Variants in ANKRD27 observed in about 807,000 individuals in gnomAD.
The protein encoded by ANKRD27 is ankyrin repeat domain 27, also known as ankyrin repeat domain-containing protein 27.
A neutral mutation model predicts 129.7 loss-of-function variants in ANKRD27; 112 were observed. The ratio of observed to expected loss-of-function variants is 0.86; its 90% CI spans 0.74 to 1.01. ANKRD27 has a LOEUF of 1.01. Ranked by LOEUF, ANKRD27 falls within the 50% of genes least tolerant of loss-of-function variation. The probability of loss-of-function intolerance (pLI) is 0.00; values close to 1 mark genes in which losing one functional copy is unlikely to be tolerated. For synonymous variants in ANKRD27, 516 were observed against 511.2 expected (o/e 1.01, Z -0.13); for missense variants, 1,258 against 1,300.5 (o/e 0.97, Z 0.50).
chr19:32,613,706 CT>C (rs58394462), intron 22 of ANKRD27, among the ~76,000 whole-genome samples: 2,002 of 132,888 alleles, frequency 0.015, 45 homozygotes, highest in African/African-American at 0.048. Flanking sequence ...ATTTATGTAA[CT>C]TTTTTTTTTT....
chr19:32,627,418 A>T (rs1201997030), intron 15 of ANKRD27, among the ~76,000 whole-genome samples: 4 of 135,866 alleles, frequency 2.9e-5, no homozygotes, highest in Non-Finnish European at 1.6e-5. Flanking sequence ...TTATTTTTTG[A>T]GACAGAGTCT....
intron 2 of ANKRD27, 118 bp downstream of exon 2, chr19:32,658,796 A>G (rs1440416699): frequency 1.1e-6 from 1 of 886,964 alleles, no homozygotes; most frequent in Non-Finnish European, 1.8e-6. Context: ...GACCAAGCAC[A>G]CTGCTGGGAG....
At chr19:32,663,326 G>A (rs1967682588) in intron 1 of ANKRD27, among the ~76,000 whole-genome samples, 1 of 152,180 alleles carries the variant, frequency 6.6e-6, no homozygotes, top group South Asian at 2.1e-4. Context: ...ACACAACGTA[G>A]GAAGTAATAA....
At chr19:32,606,153 T>C (rs912227130) in intron 23 of ANKRD27, among the ~76,000 whole-genome samples, 199 bp from the exon 24 acceptor site, 2 of 14,432 alleles carry the variant, frequency 1.4e-4, no homozygotes, top group Non-Finnish European at 3.2e-4. Flanking sequence ...TTTTCTTTCT[T>C]TTTTTTTTTT....
intron 3 of ANKRD27, among the ~76,000 whole-genome samples, chr19:32,649,369 C>A (rs990909708): frequency 3.9e-5 from 6 of 152,210 alleles, no homozygotes; most frequent in Non-Finnish European, 8.8e-5. Context: ...GATAAAACAA[C>A]TTCCTTTGGC....
At chr19:32,623,965 T>C (rs904332108) in intron 17 of ANKRD27, among the ~76,000 whole-genome samples, 8 of 152,150 alleles carry the variant, frequency 5.3e-5, no homozygotes, top group Non-Finnish European at 7.3e-5. Flanking sequence ...CAGCTGTGAG[T>C]GCGACTATAT....
At chr19:32,669,270 G>A (rs995991038) in intron 1 of ANKRD27, among the ~76,000 whole-genome samples, 2 of 152,134 alleles carry the variant, frequency 1.3e-5, no homozygotes, top group African/African-American at 2.4e-5. Flanking sequence ...GTCCTCCTAG[G>A]GAGAAGAGAC....
intron 20 of ANKRD27, 108 bp downstream of exon 20, chr19:32,619,152 A>C (rs34727912): frequency 0.55 from 779,249 of 1,423,698 alleles, 216,888 homozygotes; most frequent in Non-Finnish European, 0.57. Flanking sequence ...CAGCATGGGC[A>C]AGCAGGCTGA....
intron 2 of ANKRD27, among the ~76,000 whole-genome samples, chr19:32,656,928 T>A (rs1046574540): frequency 1.3e-5 from 2 of 152,222 alleles, no homozygotes; most frequent in Non-Finnish European, 2.9e-5. Context: ...GTGAATTTTA[T>A]GAGATTTTTA....
intron 2 of ANKRD27, among the ~76,000 whole-genome samples, chr19:32,656,103 G>GAAAGAAAGGAAGGAAAAGA (rs1555747136): frequency 8.1e-6 from 1 of 123,702 alleles, no homozygotes; most frequent in East Asian, 2.5e-4. Context: ...AAGAAAGAAA[G>GAAAGAAAGGAAGGAAAAGA]AAAGAAAAGA....
chr19:32,606,093 T>C (rs1309470654), intron 23 of ANKRD27, 139 bp from the exon 24 acceptor site: 2 of 696,988 alleles, frequency 2.9e-6, no homozygotes, highest in Non-Finnish European at 4.2e-6. Flanking sequence ...AAGTTTGATA[T>C]TCTTTTGACT....
intron 2 of ANKRD27, among the ~76,000 whole-genome samples, chr19:32,652,566 A>G (rs1273046555): frequency 6.6e-6 from 1 of 151,292 alleles, no homozygotes; most frequent in Non-Finnish European, 1.5e-5. Flanking sequence ...CAAGAGCGAA[A>G]CTCCATCCCG....
chr19:32,667,280 T>G (rs1175457826), intron 1 of ANKRD27, among the ~76,000 whole-genome samples: 2 of 152,364 alleles, frequency 1.3e-5, no homozygotes, highest in East Asian at 3.9e-4. Flanking sequence ...GAGCACAATT[T>G]TGCCCAACAA....
intron 25 of ANKRD27, among the ~76,000 whole-genome samples, chr19:32,603,147 A>G (rs1311070185): frequency 6.6e-6 from 1 of 151,934 alleles, no homozygotes; most frequent in African/African-American, 2.4e-5. Flanking sequence ...AAATACAAAA[A>G]TTTAGCCAGG....
intron 1 of ANKRD27, among the ~76,000 whole-genome samples, chr19:32,674,635 G>GC (rs1967945404): frequency 6.6e-6 from 1 of 151,926 alleles, no homozygotes; most frequent in Non-Finnish European, 1.5e-5. Flanking sequence ...ATCACCCCCC[G>GC]GAAACCACAA....
intron 20 of ANKRD27, 133 bp downstream of exon 20, chr19:32,619,127 G>C: frequency 8.0e-7 from 1 of 1,250,332 alleles, no homozygotes; most frequent in Non-Finnish European, 1.1e-6. Context: ...GGCCACCACA[G>C]AGCAGCAGCG....
intron 1 of ANKRD27, chr19:32,673,506 G>A (rs1242943635): frequency 1.0e-6 from 1 of 954,730 alleles, no homozygotes; most frequent in East Asian, 1.2e-4. Flanking sequence ...AGGTGCTCAG[G>A]ACCTGGCACA....
At chr19:32,604,200 G>A (rs1299408233) in intron 25 of ANKRD27, 63 bp downstream of exon 25, 3 of 1,508,970 alleles carry the variant, frequency 2.0e-6, no homozygotes, top group Admixed American at 2.0e-5. Flanking sequence ...CTTAAACAAA[G>A]GGATCCAGAG....
At position 32,662,278 on chromosome 19, in the gene ANKRD27, T is replaced by C. The variant is rs932103433; in HGVS notation, c.-30-3233A>G. ...GTGACCCCAGATCCTGCCACTGCAC[T>C]CCAGCTTGGGCAAAAGAGAAAGACT... On this transcript the variant is annotated intron_variant, in intron 1 of 28. Coordinates refer to ENST00000306065, the MANE Select transcript of ANKRD27 (RefSeq NM_032139.3). Among the ~76,000 whole-genome samples, 7 of 113,956 alleles carry C rather than the reference T, an allele frequency of 6.1e-5. No individual in the cohort carries two copies. In the South Asian group the frequency reaches 2.1e-3, roughly 35 times the overall value. 74.8% of individuals were successfully genotyped at this position (113,956 alleles called of 152,430 possible).
Sources: gnomAD v4.1 joint callset for allele counts (sites outside exome capture counted in the v4.1 genomes callset) on GRCh38, gnomAD v4.1.1 for gene constraint, MANE v1.5 for transcripts, NCBI Gene and HGNC (gene_info 2026-07-23, HGNC 2026-07-21) for gene names.